The following CFAP299 variants were observed in gnomAD, a reference collection of about 807,000 sequenced individuals.
CFAP299 encodes the protein cilia- and flagella-associated protein 299.
In CFAP299, 21 loss-of-function variants were observed where a neutral mutation model predicts 27.0. That is an observed-to-expected ratio of 0.78 (90% CI 0.55 to 1.12). CFAP299 has a LOEUF of 1.12. Ranked by LOEUF, CFAP299 falls within the 50% of genes most tolerant of loss-of-function variation. The probability of loss-of-function intolerance (pLI) is 0.00; values close to 1 mark genes in which losing one functional copy is unlikely to be tolerated. For synonymous variants in CFAP299, 104 were observed against 98.1 expected (o/e 1.06, Z -0.36); for missense variants, 310 against 276.6 (o/e 1.12, Z -0.86).
chr4:80,405,329 G>T (rs541911773), intron 2 of CFAP299, among the ~76,000 whole-genome samples: 24 of 152,250 alleles, frequency 1.6e-4, no homozygotes, highest in African/African-American at 5.5e-4. Flanking sequence ...ATACTGTATG[G>T]CGTTAGATCA....
intron 3 of CFAP299, among the ~76,000 whole-genome samples, chr4:80,824,288 G>T (rs912666822): frequency 8.1e-4 from 123 of 152,208 alleles, no homozygotes; most frequent in African/African-American, 2.9e-3. Context: ...CTCAGCAGTG[G>T]CTACCCATCC....
At chr4:80,673,545 G>C (rs564389250) in intron 3 of CFAP299, among the ~76,000 whole-genome samples, 2 of 152,284 alleles carry the variant, frequency 1.3e-5, no homozygotes, top group Non-Finnish European at 2.9e-5. Flanking sequence ...GCGGAGCTGA[G>C]TTCAAGTCTG....
chr4:80,509,970 A>G (rs1473919755), intron 2 of CFAP299, among the ~76,000 whole-genome samples: 1 of 151,826 alleles, frequency 6.6e-6, no homozygotes, highest in Non-Finnish European at 1.5e-5. Flanking sequence ...TATCAGCTTC[A>G]TGGACAAGCA....
chr4:80,859,220 C>G (rs1158549381), intron 3 of CFAP299, among the ~76,000 whole-genome samples: 4 of 152,102 alleles, frequency 2.6e-5, no homozygotes, highest in Non-Finnish European at 4.4e-5. Flanking sequence ...TTATCAGAGA[C>G]TAGGATTGCA....
intron 3 of CFAP299, among the ~76,000 whole-genome samples, chr4:80,764,467 G>T (rs538921707): frequency 6.6e-6 from 1 of 152,276 alleles, no homozygotes; most frequent in East Asian, 1.9e-4. Flanking sequence ...AGGATGGAGA[G>T]AAATAGGAAC....
intron 3 of CFAP299, among the ~76,000 whole-genome samples, chr4:80,862,474 A>G (rs1329604632): frequency 1.3e-5 from 2 of 152,202 alleles, no homozygotes; most frequent in Non-Finnish European, 2.9e-5. Flanking sequence ...TGAGAAATCA[A>G]TCCCCAACCA....
At chr4:80,858,830 T>C (rs1309830458) in intron 3 of CFAP299, among the ~76,000 whole-genome samples, 1 of 152,138 alleles carries the variant, frequency 6.6e-6, no homozygotes, top group Non-Finnish European at 1.5e-5. Flanking sequence ...TACTTCCAAC[T>C]ATGTGGTCAA....
chr4:80,541,830 A>G lies in CFAP299; in HGVS notation c.243-41263A>G, dbSNP rs184387954. On this transcript the variant is annotated intron_variant, in intron 2 of 5. Coordinates refer to ENST00000358105, the MANE Select transcript of CFAP299 (RefSeq NM_152770.3). ...AAAGGATCCAATGAATTTATGGGAA[A>G]TGTAAAATAATGTTGTAGGAGTTTC... 6.2e-4 allele frequency among the ~76,000 whole-genome samples: 95 copies of G among 152,322 alleles called. 2 individuals are homozygous for G. In the South Asian group the frequency reaches 0.013, roughly 21 times the overall value.
At chr4:80,340,959 A>T (rs1722418912) in intron 1 of CFAP299, among the ~76,000 whole-genome samples, 1 of 152,088 alleles carries the variant, frequency 6.6e-6, no homozygotes, top group Admixed American at 6.5e-5. Context: ...TATTTTTAGT[A>T]GAGACAGGGT....
chr4:80,719,338 AAC>A (rs1722684967), intron 3 of CFAP299, among the ~76,000 whole-genome samples: 2 of 152,218 alleles, frequency 1.3e-5, no homozygotes, highest in South Asian at 4.1e-4. Flanking sequence ...TCTCAGTGAC[AAC>A]AGTTTTCAAG....
intron 3 of CFAP299, among the ~76,000 whole-genome samples, chr4:80,608,615 T>C (rs550510221): frequency 6.6e-6 from 1 of 152,298 alleles, no homozygotes; most frequent in East Asian, 1.9e-4. Flanking sequence ...ATTGTAGATT[T>C]AATGAAGGAA....
intron 4 of CFAP299, among the ~76,000 whole-genome samples, chr4:80,889,755 A>G (rs544942433): frequency 6.6e-6 from 1 of 152,286 alleles, no homozygotes; most frequent in East Asian, 1.9e-4. Flanking sequence ...ATTCAAAAAT[A>G]CATTAAAAAG....
At chr4:80,950,260 C>A (rs552352278) in intron 5 of CFAP299, among the ~76,000 whole-genome samples, 18 of 151,666 alleles carry the variant, frequency 1.2e-4, no homozygotes, top group African/African-American at 9.7e-5. Context: ...TCCACCCCCC[C>A]CCTTTCTCAT....
At chr4:80,583,963 T>C (rs1005228946) in intron 3 of CFAP299, among the ~76,000 whole-genome samples, 1 of 151,934 alleles carries the variant, frequency 6.6e-6, no homozygotes, top group Admixed American at 6.6e-5. Flanking sequence ...AATAAAAAAT[T>C]TGGAGTTTTT....
chr4:80,608,467 G>T (rs1737792719), intron 3 of CFAP299: 1 of 719,652 alleles, frequency 1.4e-6, no homozygotes, highest in Non-Finnish European at 2.3e-6. Context: ...CACTCCAAGG[G>T]CTATTGCTAC....
At chr4:80,690,042 G>C (rs1412462842) in intron 3 of CFAP299, among the ~76,000 whole-genome samples, 1 of 148,942 alleles carries the variant, frequency 6.7e-6, no homozygotes, top group African/African-American at 2.6e-5. Flanking sequence ...GATTCATAAA[G>C]CAAGTCCTGA....
chr4:80,626,408 G>A (rs1003508753), intron 3 of CFAP299, among the ~76,000 whole-genome samples: 1 of 151,794 alleles, frequency 6.6e-6, no homozygotes, highest in African/African-American at 2.4e-5. Context: ...GCATGTAGCT[G>A]TAAACAGTGA....
chr4:80,811,145 C>G (rs1452916853), intron 3 of CFAP299, among the ~76,000 whole-genome samples: 1 of 152,030 alleles, frequency 6.6e-6, no homozygotes, highest in East Asian at 1.9e-4. Flanking sequence ...ATCACAACAA[C>G]CTTTTACCAA....
chr4:80,340,485 A>G (rs1027256357), intron 1 of CFAP299, among the ~76,000 whole-genome samples: 4 of 152,058 alleles, frequency 2.6e-5, no homozygotes, highest in Non-Finnish European at 5.9e-5. Flanking sequence ...ATATTCCTCT[A>G]GGAGATTCAG....
Sources: gnomAD v4.1 joint callset for allele counts (sites outside exome capture counted in the v4.1 genomes callset) on GRCh38, gnomAD v4.1.1 for gene constraint, MANE v1.5 for transcripts, NCBI Gene and HGNC (gene_info 2026-07-23, HGNC 2026-07-21) for gene names.